Variants in ARB2A observed in about 807,000 individuals in gnomAD.
The protein encoded by ARB2A is ARB2 cotranscriptional regulator A.
the ARB2A span, among the ~76,000 whole-genome samples, chr5:93,800,524 C>CTA: frequency 6.6e-6 from 1 of 151,748 alleles, no homozygotes; most frequent in Non-Finnish European, 1.5e-5. Flanking sequence ...AAATAGTTGT[C>CTA]TATATTCCTT....
chr5:93,643,463 T>G, the ARB2A span, among the ~76,000 whole-genome samples: 1 of 152,202 alleles, frequency 6.6e-6, no homozygotes, highest in African/African-American at 2.4e-5. Context: ...ATATTATATG[T>G]GAATAGCCCA....
At chr5:93,751,249 T>TGG in the ARB2A span, among the ~76,000 whole-genome samples, 1 of 152,184 alleles carries the variant, frequency 6.6e-6, no homozygotes, top group Admixed American at 6.5e-5. Flanking sequence ...TCAAGGATTG[T>TGG]GGCAGGCAGT....
the ARB2A span, among the ~76,000 whole-genome samples, chr5:93,935,759 G>T: frequency 6.6e-6 from 1 of 152,098 alleles, no homozygotes; most frequent in Non-Finnish European, 1.5e-5. Flanking sequence ...AGAAATAAAA[G>T]TTCATTTTAT....
chr5:93,855,655 T>G, the ARB2A span, among the ~76,000 whole-genome samples: 1 of 152,120 alleles, frequency 6.6e-6, no homozygotes, highest in Non-Finnish European at 1.5e-5. Flanking sequence ...GCAGGCCTGG[T>G]GGTGACAAAA....
the ARB2A span, among the ~76,000 whole-genome samples, chr5:93,779,843 G>C: frequency 6.6e-6 from 1 of 152,046 alleles, no homozygotes; most frequent in South Asian, 2.1e-4. Flanking sequence ...TTTCCTTTTT[G>C]TAACATCCAA....
chr5:94,004,638 G>C, the ARB2A span, among the ~76,000 whole-genome samples: 1 of 151,670 alleles, frequency 6.6e-6, no homozygotes, highest in Non-Finnish European at 1.5e-5. Context: ...AGGAGAAAAG[G>C]ACAAGTTATA....
chr5:94,000,904 G>GTATC, the ARB2A span, among the ~76,000 whole-genome samples: 2 of 152,080 alleles, frequency 1.3e-5, no homozygotes, highest in Admixed American at 6.6e-5. Flanking sequence ...ATTTAAAAGA[G>GTATC]TATCCCTGCT....
chr5:93,985,514 A>C, the ARB2A span, among the ~76,000 whole-genome samples: 1 of 152,020 alleles, frequency 6.6e-6, no homozygotes, highest in Non-Finnish European at 1.5e-5. Context: ...CACTCACTGC[A>C]ACCTCCCTGC....
the ARB2A span, among the ~76,000 whole-genome samples, chr5:93,816,806 A>G: frequency 2.6e-5 from 4 of 152,180 alleles, no homozygotes; most frequent in East Asian, 5.8e-4. Context: ...CTTAAGGGAA[A>G]TAACCTATCA....
At chr5:93,664,228 G>A in the ARB2A span, among the ~76,000 whole-genome samples, 2 of 151,926 alleles carry the variant, frequency 1.3e-5, no homozygotes, top group Non-Finnish European at 2.9e-5. Context: ...CTACAGGTGC[G>A]TGCCACCATG....
At chr5:94,018,758 C>T in the ARB2A span, among the ~76,000 whole-genome samples, 1 of 151,814 alleles carries the variant, frequency 6.6e-6, no homozygotes, top group Non-Finnish European at 1.5e-5. Flanking sequence ...GTGCTATCCC[C>T]ATTTTCTAAT....
the ARB2A span, among the ~76,000 whole-genome samples, chr5:93,866,870 G>C: frequency 6.6e-6 from 1 of 152,046 alleles, no homozygotes; most frequent in Non-Finnish European, 1.5e-5. Flanking sequence ...ATTATCTTTT[G>C]GAAACCTATT....
chr5:93,924,444 T>C, the ARB2A span, among the ~76,000 whole-genome samples: 1 of 152,226 alleles, frequency 6.6e-6, no homozygotes, highest in Admixed American at 6.5e-5. Flanking sequence ...GACTGGTATA[T>C]GGGTCATTTG....
At chr5:93,646,183 T>A in the ARB2A span, among the ~76,000 whole-genome samples, 5 of 152,106 alleles carry the variant, frequency 3.3e-5, no homozygotes, top group African/African-American at 1.2e-4. Context: ...ACAAGGCAAA[T>A]TAAAAATTTC....
the ARB2A span, among the ~76,000 whole-genome samples, chr5:94,073,287 CA>C: frequency 1.3e-5 from 2 of 152,098 alleles, no homozygotes. Context: ...TTAACCCTTA[CA>C]CCCCCATTTG....
the ARB2A span, among the ~76,000 whole-genome samples, chr5:93,691,540 AC>A: frequency 6.6e-6 from 1 of 152,142 alleles, no homozygotes; most frequent in Non-Finnish European, 1.5e-5. Flanking sequence ...AAAAGACCAA[AC>A]CTGCGTTTGA....
chr5:93,634,946 G>A, the ARB2A span, among the ~76,000 whole-genome samples: 1 of 152,048 alleles, frequency 6.6e-6, no homozygotes, highest in Admixed American at 6.6e-5. Flanking sequence ...GGCTAATTTT[G>A]TATTTTTAGT....
At chr5:94,003,021 T>C in the ARB2A span, among the ~76,000 whole-genome samples, 102 of 152,304 alleles carry the variant, frequency 6.7e-4, no homozygotes, top group African/African-American at 2.3e-3. Flanking sequence ...TAGTGCTAAA[T>C]TTTTACTCCA....
chr5:93,733,843 A>C, the ARB2A span: 1 of 152,208 alleles, frequency 6.6e-6, no homozygotes, highest in South Asian at 2.1e-4. Flanking sequence ...GTTTGACATA[A>C]ATAACACCAT....
Sources: gnomAD v4.1 joint callset for allele counts (sites outside exome capture counted in the v4.1 genomes callset) on GRCh38, gnomAD v4.1.1 for gene constraint, MANE v1.5 for transcripts, NCBI Gene and HGNC (gene_info 2026-07-23, HGNC 2026-07-21) for gene names.